Variants in LYST observed in about 807,000 individuals in gnomAD.
LYST encodes the protein lysosomal trafficking regulator, also known as lysosomal-trafficking regulator.
Under a neutral mutation model 413.6 loss-of-function variants are expected in LYST, and 192 were observed. The observed-to-expected ratio is 0.46, with a 90% CI of 0.41 to 0.52. The LOEUF is 0.52. Ranked by LOEUF, LYST falls within the 20% of genes least tolerant of loss-of-function variation. The pLI is 0.00. For missense variants in LYST, 3,815 were observed against 4,499.9 expected, an observed-to-expected ratio of 0.85 and a Z score of 4.35; for synonymous variants, 1,525 against 1,567.3, an observed-to-expected ratio of 0.97 and a Z score of 0.64.
At chr1:235,867,865 G>T (rs1186241017), upstream of LYST, among the ~76,000 whole-genome samples, 2 of 152,190 alleles carry the variant, frequency 1.3e-5, no homozygotes, top group Non-Finnish European at 2.9e-5. Flanking sequence ...CAAATTGACA[G>T]GAATTGCTGT....
In LYST at chr1:235,770,150, T is replaced by C. The variant is rs375422713; in HGVS notation, c.5922+10A>G. 5.7e-4 allele frequency: 913 copies of C among 1,612,470 alleles called. No individual in the cohort carries two copies. The highest frequency in any genetic ancestry group is 7.2e-4 in the Non-Finnish European group (850 of 1,179,502). ...ATATATTTCCAAAAGTAAAGTTACA[T>C]GAAAAGTACCTGCAAAACCTGACAA... On this transcript the variant is annotated intron_variant, in intron 20 of 52. Coordinates refer to ENST00000389793, the MANE Select transcript of LYST (RefSeq NM_000081.4).
At chr1:235,812,062 G>A (rs1673503098) in intron 4 of LYST, among the ~76,000 whole-genome samples, 2 of 151,346 alleles carry the variant, frequency 1.3e-5, no homozygotes, top group South Asian at 4.2e-4. Flanking sequence ...CACAAGAAAG[G>A]GTCAAGAGGA....
In LYST at chr1:235,809,904, T is replaced by C. The variant is rs1435084074; in HGVS notation, c.914A>G (p.Asn305Ser). 1.9e-6 allele frequency: 3 copies of C among 1,613,870 alleles called. No individual in the cohort carries two copies. Among genetic ancestry groups the C allele is most frequent in the East Asian group, 2.2e-5 (1 of 44,836 alleles). The change falls in exon 5 of 53, where the codon AAC (asparagine) becomes AGC (serine). Residue 305 changes from asparagine to serine, a missense_variant. Coordinates refer to ENST00000389793, the MANE Select transcript of LYST (RefSeq NM_000081.4). The surrounding 1 kb of genome is among the most constrained non-coding windows in gnomAD (Gnocchi z 4.0). Reference protein sequence around the residue: ...GFGDCCSLSDNLESRVVSAGW... With the variant: ...GFGDCCSLSDSLESRVVSAGW... The stretch of plus-strand genomic sequence containing the variant: ...TGCAGAAACTACTCGACTCTCCAAG[T>C]TGTCGCTCAGACTGCAGCAGTCCCC...
intron 49 of LYST, 73 bp downstream of exon 49, chr1:235,677,407 G>A: frequency 3.4e-6 from 5 of 1,467,132 alleles, no homozygotes; most frequent in Non-Finnish European, 4.8e-6. Flanking sequence ...CATTATTTTG[G>A]TTTATCTATT....
intron 28 of LYST, among the ~76,000 whole-genome samples, chr1:235,748,044 G>A (rs1481033290): frequency 4.6e-5 from 7 of 152,000 alleles, no homozygotes; most frequent in East Asian, 3.9e-4. Context: ...CTGAATAAAC[G>A]GATAAAGAAA....
Position 235,808,740 on chromosome 1 carries a change from A to G in LYST, c.2078T>C (p.Leu693Ser). The G allele has an allele frequency of 6.2e-7, 1 of 1,614,030 alleles. No individual in the cohort carries two copies. Among genetic ancestry groups the G allele is most frequent in the South Asian group, 1.1e-5 (1 of 91,088 alleles). The change falls in exon 5 of 53, where the codon TTA (leucine) becomes TCA (serine). Residue 693 changes from leucine to serine, a missense_variant. By Grantham distance (145) the Leu-to-Ser change is moderately radical. Around this residue, in one of 4 missense-constraint regions of LYST, gnomAD observed 1,648 missense variants for 1,810.3 expected, o/e 0.91. Transcript: ENST00000389793. ...SEDLLWKWDA[L>S]KAYQNFVFEE... ...AAAAACAAAGTTCTGATAAGCCTTT[A>G]AAGCATCCCATTTCCACAACAAATC...
In LYST at chr1:235,739,882, C is replaced by T. The variant is rs530905179; in HGVS notation, c.8358+1540G>A. Among the ~76,000 whole-genome samples the T allele has an allele frequency of 2.6e-4, 40 of 152,154 alleles. 1 individual carries two copies. The South Asian group carries it at 6.8e-3, about 26-fold the overall frequency. On this transcript the variant is annotated intron_variant, in intron 31 of 52. Transcript: ENST00000389793. ...ATTGAGAAAGAGAAGAAAAAGTCAA[C>T]GACAACCACAGTTAAAAATTTCAAG...
intron 50 of LYST, among the ~76,000 whole-genome samples, chr1:235,666,225 TACACACACACACACACACACACACACAC>T (rs66890524): frequency 1.8e-4 from 24 of 136,010 alleles, no homozygotes; most frequent in African/African-American, 6.6e-4. Context: ...AGTATGTACA[TACACACACACACACACACACACACACAC>T]ACACACACAC....
chr1:235,852,408 T>C (rs1243145794), intron 1 of LYST, among the ~76,000 whole-genome samples: 1 of 152,192 alleles, frequency 6.6e-6, no homozygotes, highest in Non-Finnish European at 1.5e-5. Context: ...AAAAGTAGGA[T>C]AGTACCACGT....
intron 50 of LYST, among the ~76,000 whole-genome samples, chr1:235,668,789 G>A (rs969015722): frequency 1.3e-5 from 2 of 152,114 alleles, no homozygotes; most frequent in African/African-American, 2.4e-5. Context: ...ACTAAAAGCT[G>A]CTAATGCACA....
At chr1:235,867,162 C>G (rs754566788), upstream of LYST, among the ~76,000 whole-genome samples, 37 of 152,196 alleles carry the variant, frequency 2.4e-4, no homozygotes, top group Non-Finnish European at 4.6e-4. Context: ...AGCCGGGGCC[C>G]GGTCTGGGTT....
In LYST at chr1:235,738,136, G is replaced by A. The variant is rs1664979928; in HGVS notation, c.8358+3286C>T. 34 of 1,608,562 alleles carry A rather than the reference G, an allele frequency of 2.1e-5. No individual in the cohort carries two copies. In the South Asian group the frequency reaches 2.3e-4, roughly 11 times the overall value. The stretch of plus-strand genomic sequence containing the variant: ...GGTATCTTAATGAAGGACTTGGCAG[G>A]CGAACTTGCTCTTGTTGATGTCATG... On this transcript the variant is annotated intron_variant, in intron 31 of 52. Transcript: ENST00000389793.
At chr1:235,802,459 C>A (rs1446857993) in intron 8 of LYST, among the ~76,000 whole-genome samples, 1 of 152,134 alleles carries the variant, frequency 6.6e-6, no homozygotes, top group Non-Finnish European at 1.5e-5. Flanking sequence ...ATTATGTATT[C>A]TTTATAACAA....
intron 1 of LYST, among the ~76,000 whole-genome samples, chr1:235,853,493 TAAA>T (rs61496977): frequency 1.4e-5 from 2 of 144,958 alleles, no homozygotes; most frequent in Non-Finnish European, 3.1e-5. Context: ...TAAAGAAAAC[TAAA>T]AAAAAAAACA....
chr1:235,737,950 G>A lies in LYST; in HGVS notation c.8359-3291C>T, dbSNP rs1424928017. On this transcript the variant is annotated intron_variant, in intron 31 of 52. Transcript: ENST00000389793. The stretch of plus-strand genomic sequence containing the variant: ...CTCACTGCCGCGTGCCCCAACACCC[G>A]CCGGACGTGCATTCTCGATTCCTTT... 14 of 1,240,074 alleles carry A rather than the reference G, an allele frequency of 1.1e-5. No individual in the cohort carries two copies. In the Admixed American group the frequency reaches 2.3e-4, roughly 20 times the overall value. The allele number at this position is 1,240,074 out of a possible 1,614,324, so 76.8% of individuals were successfully genotyped here. A position where few individuals can be genotyped will look rare whatever the true frequency, so the allele number is the denominator to read the frequency against.
chr1:235,741,541 G>C lies in LYST; in HGVS notation c.8239C>G (p.Leu2747Val), dbSNP rs763269074. 18 of 1,613,800 alleles carry C rather than the reference G, an allele frequency of 1.1e-5. No individual in the cohort carries two copies. The African/African-American group carries it at 1.5e-4, about 13-fold the overall frequency. The change falls in exon 31 of 53, where the codon CTA (leucine) becomes GTA (valine). Residue 2747 changes from leucine (L) to valine (V), a missense_variant. By Grantham distance (32) the Leu-to-Val change is conservative. Coordinates refer to ENST00000389793, the MANE Select transcript of LYST (RefSeq NM_000081.4). Reference protein sequence around the residue: ...KETFRMQLGRLLVHILSPAHA... With the variant: ...KETFRMQLGRVLVHILSPAHA... ...GCTGGCGACAAAATATGCACTAGTA[G>C]TCTCCCAAGCTGCATTCGGAAGGTC...
At chr1:235,845,343 T>C (rs1455469692) in intron 1 of LYST, among the ~76,000 whole-genome samples, 1 of 152,170 alleles carries the variant, frequency 6.6e-6, no homozygotes, top group Non-Finnish European at 1.5e-5. Context: ...GGGAGCTCCC[T>C]GGGTCCTTAA....
chr1:235,751,380 T>A lies in LYST; in HGVS notation c.7628-18A>T, dbSNP rs909202992. ...AGCCATATCTAAAAACAGAAGATAC[T>A]AGAATGTTTTCAAGCTATGTGGTTA... On this transcript the variant is annotated intron_variant, in intron 27 of 52. Transcript: ENST00000389793. The A allele has an allele frequency of 1.9e-6, 3 of 1,607,654 alleles. No individual in the cohort carries two copies. The African/African-American group carries it at 4.0e-5, about 21-fold the overall frequency.
At chr1:235,803,091 G>C in intron 7 of LYST, 27 bp from the exon 8 acceptor site, 1 of 1,588,532 alleles carries the variant, frequency 6.3e-7, no homozygotes, top group Non-Finnish European at 8.6e-7. Context: ...TTCAAAGGTT[G>C]TAACATTTGC....
Sources: gnomAD v4.1 joint callset for allele counts (sites outside exome capture counted in the v4.1 genomes callset) on GRCh38, gnomAD v4.1.1 for gene constraint, gnomAD v4.1.1 regional missense constraint, Gnocchi (gnomAD v3.1) non-coding constraint, MANE v1.5 for transcripts, NCBI Gene and HGNC (gene_info 2026-07-23, HGNC 2026-07-21) for gene names.